Variants in PLD2 observed in about 807,000 individuals in gnomAD.
PLD2 encodes the protein phospholipase D2.
PLD2 carries 101 observed loss-of-function variants against 119.8 expected under a neutral mutation model. The observed-to-expected ratio is 0.84, with a 90% CI of 0.72 to 0.99. PLD2 has a LOEUF of 0.99. Ranked by LOEUF, PLD2 falls within the 50% of genes least tolerant of loss-of-function variation. The pLI is 0.00. For missense variants in PLD2, 1,164 were observed against 1,226.8 expected (o/e 0.95, Z 0.76); for synonymous variants, 494 against 482.8 (o/e 1.02, Z -0.30).
chr17:4,823,145 T>C lies in PLD2; in HGVS notation c.*281T>C, dbSNP rs1907847921. ...TGCTGCAAAGGAGAAGCACAGCTCC[T>C]GCCAGGGTGAGCAGGGTCAAGCCTC... On this transcript the variant is annotated 3_prime_UTR_variant, in exon 25 of 25. Coordinates refer to ENST00000263088, the MANE Select transcript of PLD2 (RefSeq NM_002663.5). 2.7e-6 allele frequency: 1 copy of C among 366,004 alleles called. No homozygotes were observed. Among genetic ancestry groups the C allele is most frequent in the Non-Finnish European group, 4.9e-6 (1 of 202,794 alleles). 22.7% of individuals were successfully genotyped at this position (366,004 alleles called of 1,614,324 possible).
At chr17:4,817,643 C>T (rs1300576487) in intron 17 of PLD2, among the ~76,000 whole-genome samples, 1 of 149,716 alleles carries the variant, frequency 6.7e-6, no homozygotes, top group African/African-American at 2.5e-5. Flanking sequence ...GCCTGGGCAA[C>T]AGAGTGAGAC....
In PLD2 at chr17:4,818,022, C is replaced by T. The variant is rs758370941; in HGVS notation, c.1836C>T (p.Arg612=). 6 of 1,613,374 alleles carry T rather than the reference C, an allele frequency of 3.7e-6. No individual in the cohort carries two copies. The highest frequency in any genetic ancestry group is 1.6e-4 in the Middle Eastern group (1 of 6,084). ...CCTAGGTCTTGCGATCAGTGGACCG[C>T]TGGTCAGCAGGGACTCTGGAGAACT... ...TTVQVLRSVD[R]WSAGTLENSI... is the part of the protein sequence containing the mutation. Residue 612 remains arginine (R), a synonymous_variant, in exon 18 of 25, where the codon CGC becomes CGT. Transcript: ENST00000263088.
At chr17:4,812,996 C>T (rs746185266) in intron 10 of PLD2, among the ~76,000 whole-genome samples, 2 of 151,930 alleles carry the variant, frequency 1.3e-5, no homozygotes, top group African/African-American at 2.4e-5. Flanking sequence ...TTTGTTTGTT[C>T]GTTTGTTTTG....
Position 4,808,680 on chromosome 17 carries a change from G to A in PLD2, c.383+264G>A, listed in dbSNP as rs900164621. On this transcript the variant is annotated intron_variant, in intron 4 of 24. Transcript: ENST00000263088. This position sits in a 1 kb window ranked among gnomAD's most constrained non-coding sequence, Gnocchi z 4.1. The stretch of plus-strand genomic sequence containing the variant: ...TCCATTCCCAGGGTAGGGGGCCTCC[G>A]TTTTGCCAGCCTCTAGGCCTTTTGT... Among the ~76,000 whole-genome samples, 6 of 152,180 alleles carry A rather than the reference G, an allele frequency of 3.9e-5. No homozygotes were observed. Among genetic ancestry groups the A allele is most frequent in the African/African-American group, 1.4e-4 (6 of 41,516 alleles).
At chr17:4,814,013 A>C in intron 10 of PLD2, 1 of 208,850 alleles carries the variant, frequency 4.8e-6, no homozygotes, top group Non-Finnish European at 9.6e-6. Context: ...TGGATTTTTT[A>C]AATGTAATTT....
Position 4,823,063 on chromosome 17 carries a change from G to A in PLD2, c.*199G>A. The A allele has an allele frequency of 1.8e-6, 1 of 566,936 alleles. No homozygotes were observed. Among genetic ancestry groups the A allele is most frequent in the Admixed American group, 3.0e-5 (1 of 32,818 alleles). 35.1% of individuals were successfully genotyped at this position (566,936 alleles called of 1,614,324 possible). A position where few individuals can be genotyped will look rare whatever the true frequency, so the allele number is the denominator to read the frequency against. On this transcript the variant is annotated 3_prime_UTR_variant, in exon 25 of 25. Coordinates refer to ENST00000263088, the MANE Select transcript of PLD2 (RefSeq NM_002663.5). ...GGCACTCCCAACCCTGGGCTGGGGA[G>A]GAGGAGAGAGTCCCAGAGCTCATCC...
intron 17 of PLD2, 61 bp downstream of exon 17, chr17:4,817,320 C>G (rs1353997734): frequency 1.0e-5 from 11 of 1,066,098 alleles, no homozygotes; most frequent in African/African-American, 1.5e-5. Context: ...CACCCCAACC[C>G]ACTCTCCCTG....
intron 14 of PLD2, 63 bp from the exon 15 acceptor site, chr17:4,816,556 GC>G: frequency 6.5e-7 from 1 of 1,549,982 alleles, no homozygotes; most frequent in Non-Finnish European, 8.9e-7. Flanking sequence ...CCTCTCTTTG[GC>G]CCTGGCTCTG....
At chr17:4,821,193 T>TGTTTTGTTTGTTTGTTTGTTTTCTAC (rs1907640144) in intron 23 of PLD2, among the ~76,000 whole-genome samples, 1 of 131,846 alleles carries the variant, frequency 7.6e-6, no homozygotes, top group Non-Finnish European at 1.5e-5. Context: ...TGAGCCACCG[T>TGTTTTGTTTGTTTGTTTGTTTTCTAC]GCCCGGCCAA....
intron 14 of PLD2, 66 bp from the exon 15 acceptor site, chr17:4,816,554 T>C: frequency 1.3e-6 from 2 of 1,536,714 alleles, no homozygotes; most frequent in Non-Finnish European, 1.8e-6. Context: ...CTCCTCTCTT[T>C]GGCCCTGGCT....
At position 4,823,114 on chromosome 17, in the gene PLD2, T is replaced by C. The variant is rs1907845906; in HGVS notation, c.*250T>C. 2 of 461,172 alleles carry C rather than the reference T, an allele frequency of 4.3e-6. No homozygotes were observed. The highest frequency in any genetic ancestry group is 1.9e-5 in the African/African-American group (1 of 51,340). 28.6% of individuals were successfully genotyped at this position (461,172 alleles called of 1,614,324 possible). A position where few individuals can be genotyped will look rare whatever the true frequency, so the allele number is the denominator to read the frequency against. On this transcript the variant is annotated 3_prime_UTR_variant, in exon 25 of 25. Coordinates refer to ENST00000263088, the MANE Select transcript of PLD2 (RefSeq NM_002663.5). ...CCCCTGCTGCCCAGTGCAAACCACT[T>C]CTCCATGCTGCAAAGGAGAAGCACA...
chr17:4,807,614 G>C lies in PLD2; in HGVS notation c.-1-158G>C. On this transcript the variant is annotated intron_variant, in intron 1 of 24. Coordinates refer to ENST00000263088, the MANE Select transcript of PLD2 (RefSeq NM_002663.5). This position sits in a 1 kb window ranked among gnomAD's most constrained non-coding sequence, Gnocchi z 5.4. ...TAGGGGATGGGGGCTCGAAGGGGTC[G>C]GTGGGGCGTTGCAAACTGGTCAGGC... The C allele has an allele frequency of 1.8e-6, 1 of 564,970 alleles. No individual in the cohort carries two copies. The highest frequency in any genetic ancestry group is 3.2e-6 in the Non-Finnish European group (1 of 312,810). 35.0% of individuals were successfully genotyped at this position (564,970 alleles called of 1,614,324 possible).
rs746169375 is a variant in PLD2, at chr17:4,808,272, A to G, written c.241-2A>G. The G allele has an allele frequency of 6.2e-7, 1 of 1,613,878 alleles. No individual in the cohort carries two copies. Among genetic ancestry groups the G allele is most frequent in the Admixed American group, 1.7e-5 (1 of 60,022 alleles). ...CATCCATTCAGTTCCTCATACCCCT[A>G]GGTGGGAACCTGCACTCTGTATTCT... On this transcript the variant is annotated splice_acceptor_variant, in intron 3 of 24. Transcript: ENST00000263088. LOFTEE classifies it high-confidence loss of function. The surrounding 1 kb of genome is among the most constrained non-coding windows in gnomAD (Gnocchi z 4.1).
chr17:4,816,578 T>C (rs1906993027), intron 14 of PLD2, 42 bp from the exon 15 acceptor site: 1 of 1,609,250 alleles, frequency 6.2e-7, no homozygotes, highest in African/African-American at 1.3e-5. Context: ...TACAGCCCCA[T>C]GACTTCCCCT....
At chr17:4,814,296 C>G in intron 10 of PLD2, 122 bp from the exon 11 acceptor site, 1 of 1,460,978 alleles carries the variant, frequency 6.8e-7, no homozygotes. Flanking sequence ...CTTGTGTTCT[C>G]TGATCATTTC....
At chr17:4,811,015 A>T (rs528469070) in intron 10 of PLD2, 64 bp downstream of exon 10, 235 of 1,493,202 alleles carry the variant, frequency 1.6e-4, no homozygotes, top group Non-Finnish European at 2.1e-4. Context: ...GTAATCTCTG[A>T]GTCCTTCATC....
rs1016351796 is a variant in PLD2, at chr17:4,815,895, G to C, written c.1416G>C (p.Leu472=). ...YGRWDDLHYR[L]TDLGDSSESA... ...GCTGGGATGACCTGCACTACCGACTGACTGACCTTGGAGACTCCTCTGAAT... is the reference window on the plus strand; with the variant it reads ...GCTGGGATGACCTGCACTACCGACTCACTGACCTTGGAGACTCCTCTGAAT... Residue 472 remains leucine, a synonymous_variant, in exon 14 of 25, where the codon CTG becomes CTC. Transcript: ENST00000263088. 5 of 1,614,098 alleles carry C rather than the reference G, an allele frequency of 3.1e-6. No homozygotes were observed. The highest frequency in any genetic ancestry group is 4.2e-6 in the Non-Finnish European group (5 of 1,179,998).
rs751158437 is a variant in PLD2 at position 4,809,694 on chromosome 17, G to A, written c.618G>A (p.Glu206=). The A allele has an allele frequency of 1.5e-5, 25 of 1,614,136 alleles. No homozygotes were observed. In the South Asian group the frequency reaches 2.7e-4, roughly 18 times the overall value. Residue 206 remains glutamate (E), a synonymous_variant, in exon 8 of 25, where the codon GAG becomes GAA. Transcript: ENST00000263088. ...FIPDLGRKGL[E]GMIRKRSGGH... is the part of the protein sequence containing the mutation. ...TCTCTTCCTGATTGTCCCACAGGGA[G>A]GGGATGATCCGGAAGCGCTCAGGTG...
chr17:4,808,138 G>A lies in PLD2; in HGVS notation c.240+24G>A, dbSNP rs1567523164. ...AGGTGGCCAGACTGGCCCCAGGGAG[G>A]GGGAAAGGGAGGGCGGCCCGGAATG... On this transcript the variant is annotated intron_variant, in intron 3 of 24. Transcript: ENST00000263088. The surrounding 1 kb of genome is among the most constrained non-coding windows in gnomAD (Gnocchi z 4.1). The A allele has an allele frequency of 6.2e-7, 1 of 1,600,018 alleles. No homozygotes were observed. The highest frequency in any genetic ancestry group is 8.6e-7 in the Non-Finnish European group (1 of 1,169,114).
Sources: gnomAD v4.1 joint callset for allele counts (sites outside exome capture counted in the v4.1 genomes callset) on GRCh38, gnomAD v4.1.1 for gene constraint, Gnocchi (gnomAD v3.1) non-coding constraint, MANE v1.5 for transcripts, NCBI Gene and HGNC (gene_info 2026-07-23, HGNC 2026-07-21) for gene names.